UBL3: variants seen among roughly 807,000 people sequenced by gnomAD.
UBL3 encodes ubiquitin like 3, also known as ubiquitin-like protein 3.
Under a neutral mutation model 18.4 loss-of-function variants are expected in UBL3, and 6 were observed. That is an observed-to-expected ratio of 0.33 (90% CI 0.18 to 0.64). The LOEUF is 0.64. Among genes scored for constraint, UBL3 ranks in the 30% least tolerant of loss-of-function variants. UBL3 has a pLI of 0.76. For synonymous variants in UBL3, 49 were observed against 46.6 expected (o/e 1.05, Z -0.21); for missense variants, 109 against 142.9 (o/e 0.76, Z 1.21).
At chr13:29,835,273 G>A (rs139478782) in intron 1 of UBL3, among the ~76,000 whole-genome samples, 1,533 of 145,106 alleles carry the variant, frequency 0.011, 32 homozygotes, top group African/African-American at 0.038. Flanking sequence ...AAATCAATAT[G>A]GTCTTGCAAC....
chr13:29,835,118 ATATATAAATATATATATAT>A lies in UBL3; in HGVS notation c.27+14375_27+14393del, dbSNP rs1878903335. Among the ~76,000 whole-genome samples, 26 of 26,266 alleles carry A rather than the reference ATATATAAATATATATATAT, an allele frequency of 9.9e-4. 1 individual carries two copies. Among genetic ancestry groups the A allele is most frequent in the African/African-American group, 5.7e-3 (16 of 2,790 alleles). The allele number at this position is 26,266 out of a possible 152,430, so 17.2% of individuals were successfully genotyped here. On this transcript the variant is annotated intron_variant, in intron 1 of 4. Transcript: ENST00000380680. ...TATATATATATATAAATATATATAT[ATATATAAATATATATATAT>A]ATATATATATATATATATATATATA...
intron 1 of UBL3, among the ~76,000 whole-genome samples, chr13:29,834,687 G>A (rs149787331): frequency 5.1e-4 from 77 of 152,278 alleles, no homozygotes; most frequent in Non-Finnish European, 8.8e-4. Flanking sequence ...GCAAGAAGCT[G>A]AGGTTGAAAT....
At chr13:29,839,932 A>G (rs530462228) in intron 1 of UBL3, among the ~76,000 whole-genome samples, 3,316 of 124,780 alleles carry the variant, frequency 0.027, 101 homozygotes, top group African/African-American at 0.072. Context: ...GTCTCGGGGG[A>G]AAAAAAAAAA....
intron 1 of UBL3, among the ~76,000 whole-genome samples, chr13:29,846,041 A>G (rs1029304608): frequency 2.6e-5 from 4 of 152,166 alleles, no homozygotes; most frequent in African/African-American, 7.2e-5. Flanking sequence ...GCCCAGTCTT[A>G]GGCCTTATTA....
intron 1 of UBL3, among the ~76,000 whole-genome samples, chr13:29,813,087 T>C (rs1295162278): frequency 6.6e-6 from 1 of 152,036 alleles, no homozygotes; most frequent in Non-Finnish European, 1.5e-5. Flanking sequence ...CTAGTCAATG[T>C]CTCCTTTATA....
intron 1 of UBL3, among the ~76,000 whole-genome samples, chr13:29,835,397 C>T (rs1201903111): frequency 6.6e-6 from 1 of 150,880 alleles, no homozygotes; most frequent in Non-Finnish European, 1.5e-5. Context: ...TGATGAGCAT[C>T]CTAAGCAAAG....
intron 1 of UBL3, among the ~76,000 whole-genome samples, chr13:29,785,512 T>G (rs748813645): frequency 3.3e-5 from 5 of 152,200 alleles, no homozygotes; most frequent in Admixed American, 6.5e-5. Context: ...TTTTAATATG[T>G]AAATTTTAAA....
At chr13:29,783,414 G>A (rs1159244398) in intron 1 of UBL3, among the ~76,000 whole-genome samples, 1 of 152,194 alleles carries the variant, frequency 6.6e-6, no homozygotes, top group Admixed American at 6.5e-5. Context: ...TACTAGACTA[G>A]AGCCATGAAT....
chr13:29,784,699 G>T (rs1220213278), intron 1 of UBL3, among the ~76,000 whole-genome samples: 4 of 152,166 alleles, frequency 2.6e-5, no homozygotes, highest in African/African-American at 9.7e-5. Context: ...GCTGGAAGGG[G>T]AGACAGGAAG....
chr13:29,836,115 A>G (rs1469610987), intron 1 of UBL3, among the ~76,000 whole-genome samples: 3 of 152,202 alleles, frequency 2.0e-5, no homozygotes, highest in Non-Finnish European at 2.9e-5. Context: ...CTAGGTTGGT[A>G]GCATGATGAA....
chr13:29,790,563 C>T (rs1877455846), intron 1 of UBL3, among the ~76,000 whole-genome samples: 1 of 152,124 alleles, frequency 6.6e-6, no homozygotes, highest in African/African-American at 2.4e-5. Context: ...AACACCAACC[C>T]CCAAGAGGTA....
intron 1 of UBL3, among the ~76,000 whole-genome samples, chr13:29,842,436 G>C (rs1419984376): frequency 2.6e-5 from 4 of 152,014 alleles, no homozygotes. Context: ...TGGGATTACA[G>C]GTGTGAGCCA....
chr13:29,832,152 G>C (rs889413627), intron 1 of UBL3, among the ~76,000 whole-genome samples: 1 of 152,170 alleles, frequency 6.6e-6, no homozygotes, highest in African/African-American at 2.4e-5. Context: ...CAGCAGTTTA[G>C]AAAGATGAGG....
At chr13:29,801,238 C>T (rs1368990522) in intron 1 of UBL3, among the ~76,000 whole-genome samples, 1 of 152,112 alleles carries the variant, frequency 6.6e-6, no homozygotes, top group Non-Finnish European at 1.5e-5. Flanking sequence ...GACCCCACTC[C>T]CCACTCTTCA....
intron 1 of UBL3, 51 bp from the exon 2 acceptor site, chr13:29,777,314 A>G (rs779880645): frequency 5.6e-6 from 8 of 1,428,654 alleles, no homozygotes; most frequent in Non-Finnish European, 7.7e-6. Flanking sequence ...TTTTTTAAGT[A>G]AAAAAGAAGA....
chr13:29,804,258 G>T (rs761798039), intron 1 of UBL3, among the ~76,000 whole-genome samples: 1 of 151,972 alleles, frequency 6.6e-6, no homozygotes, highest in African/African-American at 2.4e-5. Context: ...ATCAAGAAAT[G>T]CTTTGAAACT....
intron 1 of UBL3, among the ~76,000 whole-genome samples, chr13:29,794,528 T>C (rs1411425859): frequency 2.0e-5 from 3 of 152,260 alleles, no homozygotes; most frequent in Non-Finnish European, 4.4e-5. Flanking sequence ...TGGTAGCAGA[T>C]ATGATTTTAA....
At chr13:29,823,518 A>G (rs562874422) in intron 1 of UBL3, among the ~76,000 whole-genome samples, 33 of 152,362 alleles carry the variant, frequency 2.2e-4, no homozygotes, top group African/African-American at 7.9e-4. Context: ...GGGACAAGAT[A>G]CATAAACACT....
rs550254440 is a variant in UBL3 at position 29,794,411 on chromosome 13, C to T, written c.28-17148G>A. Reference sequence around the variant, plus strand: ...ATGCATGTTGACCTTTTCTGACCTACTTTAGTTATGTTTGTTAGGTGAAAA... The same window carrying T: ...ATGCATGTTGACCTTTTCTGACCTATTTTAGTTATGTTTGTTAGGTGAAAA... On this transcript the variant is annotated intron_variant, in intron 1 of 4. Coordinates refer to ENST00000380680, the MANE Select transcript of UBL3 (RefSeq NM_007106.4). Among the ~76,000 whole-genome samples the T allele has an allele frequency of 5.3e-5, 8 of 152,074 alleles. 1 individual carries two copies. The South Asian group carries it at 1.7e-3, about 32-fold the overall frequency.
Sources: gnomAD v4.1 joint callset for allele counts (sites outside exome capture counted in the v4.1 genomes callset) on GRCh38, gnomAD v4.1.1 for gene constraint, MANE v1.5 for transcripts, NCBI Gene and HGNC (gene_info 2026-07-23, HGNC 2026-07-21) for gene names.